The following SLC71A1 variants were observed in gnomAD, a reference collection of about 807,000 sequenced individuals.
SLC71A1 encodes hippocampus abundant gene transcript 1.
At chr1:100,069,470 C>T in the SLC71A1 span, 1 of 586,166 alleles carries the variant, frequency 1.7e-6, no homozygotes, top group East Asian at 2.9e-5. Context: ...TGTTGTATTT[C>T]CTCTGAGGAA....
At chr1:100,052,077 T>C in the SLC71A1 span, among the ~76,000 whole-genome samples, 453 of 152,286 alleles carry the variant, frequency 3.0e-3, 3 homozygotes, top group African/African-American at 0.011. Flanking sequence ...GGAATGCAGG[T>C]AGTAACTTGT....
At chr1:100,050,061 T>C in the SLC71A1 span, 1 of 950,270 alleles carries the variant, frequency 1.1e-6, no homozygotes, top group Non-Finnish European at 1.7e-6. Flanking sequence ...TTCTTCAGTT[T>C]TGGAGGAAAA....
chr1:100,055,641 G>GA, the SLC71A1 span, among the ~76,000 whole-genome samples: 1 of 152,016 alleles, frequency 6.6e-6, no homozygotes, highest in Non-Finnish European at 1.5e-5. Context: ...GAGATATTTT[G>GA]ATACAGGCAT....
chr1:100,046,212 G>GTTTTTTTTTTTTTTTTTTTTTTTTTT, the SLC71A1 span, among the ~76,000 whole-genome samples: 2 of 54,078 alleles, frequency 3.7e-5, 1 homozygote, highest in Admixed American at 5.9e-4. Flanking sequence ...TCCAAGCCTC[G>GTTTTTTTTTTTTTTTTTTTTTTTTTT]TTTTTTTTTT....
chr1:100,074,355 AC>A, the SLC71A1 span, among the ~76,000 whole-genome samples: 2 of 152,150 alleles, frequency 1.3e-5, no homozygotes, highest in East Asian at 3.8e-4. Context: ...TGGGTGAATC[AC>A]CTGAGGTCAG....
the SLC71A1 span, chr1:100,038,170 T>G: frequency 7.0e-7 from 1 of 1,421,736 alleles, no homozygotes; most frequent in South Asian, 1.2e-5. Context: ...GGGACGGCAC[T>G]AGCTGCTGGG....
At chr1:100,038,361 C>A in the SLC71A1 span, 5 of 1,481,764 alleles carry the variant, frequency 3.4e-6, no homozygotes, top group Non-Finnish European at 4.6e-6. Flanking sequence ...GGGCCCCCAT[C>A]CGGTCTCTCC....
At chr1:100,069,032 T>TA in the SLC71A1 span, among the ~76,000 whole-genome samples, 2 of 152,192 alleles carry the variant, frequency 1.3e-5, no homozygotes, top group Non-Finnish European at 2.9e-5. Flanking sequence ...TTTGGTCTAC[T>TA]AGACTTTACC....
At chr1:100,070,797 T>C in the SLC71A1 span, among the ~76,000 whole-genome samples, 147 of 152,256 alleles carry the variant, frequency 9.7e-4, no homozygotes, top group African/African-American at 3.4e-3. Context: ...AGTTAATACT[T>C]TTTCTCACCT....
chr1:100,038,807 C>T, the SLC71A1 span, among the ~76,000 whole-genome samples: 1 of 152,238 alleles, frequency 6.6e-6, no homozygotes, highest in Non-Finnish European at 1.5e-5. Flanking sequence ...CCCCGTAGTA[C>T]GTTCGCTTTC....
At chr1:100,062,509 T>C in the SLC71A1 span, among the ~76,000 whole-genome samples, 1 of 152,162 alleles carries the variant, frequency 6.6e-6, no homozygotes, top group South Asian at 2.1e-4. Flanking sequence ...GTATAATGTG[T>C]CATCTATCAA....
At chr1:100,068,628 C>T in the SLC71A1 span, 1 of 1,061,606 alleles carries the variant, frequency 9.4e-7, no homozygotes, top group African/African-American at 1.6e-5. Flanking sequence ...CTTTCATTGT[C>T]TAGTGCTTTA....
At chr1:100,068,093 T>TA in the SLC71A1 span, 1 of 1,614,210 alleles carries the variant, frequency 6.2e-7, no homozygotes, top group Non-Finnish European at 8.5e-7. Flanking sequence ...CTTTGCTAGA[T>TA]ATTTGTTTTA....
At chr1:100,047,885 C>G in the SLC71A1 span, among the ~76,000 whole-genome samples, 1 of 152,062 alleles carries the variant, frequency 6.6e-6, no homozygotes, top group Non-Finnish European at 1.5e-5. Context: ...AAGCATTTTC[C>G]TCCTAAAGTG....
At chr1:100,047,863 C>G in the SLC71A1 span, among the ~76,000 whole-genome samples, 1 of 152,106 alleles carries the variant, frequency 6.6e-6, no homozygotes, top group Non-Finnish European at 1.5e-5. Flanking sequence ...TAATTTTTCT[C>G]TTAAATAAAC....
chr1:100,057,306 C>G, the SLC71A1 span, among the ~76,000 whole-genome samples: 1 of 151,054 alleles, frequency 6.6e-6, no homozygotes, highest in Non-Finnish European at 1.5e-5. Context: ...CACAGTCAAA[C>G]CCATTCATTT....
chr1:100,061,802 C>A, the SLC71A1 span: 1 of 1,297,156 alleles, frequency 7.7e-7, no homozygotes, highest in Non-Finnish European at 1.1e-6. Context: ...ATGGTAATTG[C>A]TCTAACCATT....
chr1:100,079,431 A>T, the SLC71A1 span: 3 of 152,034 alleles, frequency 2.0e-5, no homozygotes. Flanking sequence ...TTTGAAAAGG[A>T]TATGTTTTGT....
chr1:100,063,514 T>C, the SLC71A1 span, among the ~76,000 whole-genome samples: 1 of 150,542 alleles, frequency 6.6e-6, no homozygotes, highest in Non-Finnish European at 1.5e-5. Flanking sequence ...AAAAAAAAGT[T>C]GGAGGGGCCA....
Sources: gnomAD v4.1 joint callset for allele counts (sites outside exome capture counted in the v4.1 genomes callset) on GRCh38, gnomAD v4.1.1 for gene constraint, MANE v1.5 for transcripts, NCBI Gene and HGNC (gene_info 2026-07-23, HGNC 2026-07-21) for gene names.